Variants in SLC35B4 observed in about 807,000 individuals in gnomAD.
SLC35B4 encodes solute carrier family 35 member B4, also known as nucleotide sugar transporter SLC35B4.
A neutral mutation model predicts 39.5 loss-of-function variants in SLC35B4; 28 were observed. That is an observed-to-expected ratio of 0.71 (90% CI 0.53 to 0.97). SLC35B4 has a LOEUF of 0.97. Ranked by LOEUF, SLC35B4 falls within the 50% of genes least tolerant of loss-of-function variation. The probability of loss-of-function intolerance (pLI) is 0.00; values close to 1 mark genes in which losing one functional copy is unlikely to be tolerated. For synonymous variants in SLC35B4, 145 were observed against 150.4 expected (o/e 0.96, Z 0.26); for missense variants, 334 against 414.3 (o/e 0.81, Z 1.68).
upstream of SLC35B4, among the ~76,000 whole-genome samples, chr7:134,319,035 G>A (rs1240051781): frequency 6.6e-6 from 1 of 152,214 alleles, no homozygotes; most frequent in Non-Finnish European, 1.5e-5. Flanking sequence ...GCAGAAGCCT[G>A]TAAAATCATT....
intron 8 of SLC35B4, 102 bp downstream of exon 8, chr7:134,299,421 T>C (rs1191887462): frequency 2.3e-6 from 2 of 858,490 alleles, no homozygotes; most frequent in East Asian, 2.6e-5. Context: ...GAACACATGA[T>C]TTGAATAGGA....
At position 134,306,721 on chromosome 7, in the gene SLC35B4, T is replaced by C. The variant is rs752529700; in HGVS notation, c.245A>G (p.Tyr82Cys). 8 of 1,614,078 alleles carry C rather than the reference T, an allele frequency of 5.0e-6. No homozygotes were observed. The highest frequency in any genetic ancestry group is 2.2e-5 in the South Asian group (2 of 91,066). Reference sequence around the variant, plus strand: ...CATGGCAATGTTGAGATTCAGGGCATAGTTGTTCACCACGCTCACGGTGAA... The same window carrying C: ...CATGGCAATGTTGAGATTCAGGGCACAGTTGTTCACCACGCTCACGGTGAA... ...MFFTVSVVNN[Y>C]ALNLNIAMPL... is the part of the protein sequence containing the mutation. Residue 82 changes from tyrosine to cysteine, a missense_variant, in exon 3 of 10, where the codon TAT becomes TGT. Tyr to Cys is a radical substitution (Grantham distance 194). Coordinates refer to ENST00000378509, the MANE Select transcript of SLC35B4 (RefSeq NM_032826.5).
rs151003546 is a variant in SLC35B4, at chr7:134,312,093, C to T, written c.78-2614G>A. ...TGAGCCATCCCTGAAAAGCACTTAA[C>T]ACAGCGCCTGCCACAGAGTGAAAAA... On this transcript the variant is annotated intron_variant, in intron 1 of 9. Coordinates refer to ENST00000378509, the MANE Select transcript of SLC35B4 (RefSeq NM_032826.5). Among the ~76,000 whole-genome samples the T allele has an allele frequency of 1.8e-3, 276 of 152,270 alleles. 4 individuals carry two copies. The highest frequency in any genetic ancestry group is 6.1e-3 in the African/African-American group (254 of 41,550).
intron 2 of SLC35B4, among the ~76,000 whole-genome samples, chr7:134,308,115 C>T (rs1324480042): frequency 1.3e-5 from 2 of 152,110 alleles, no homozygotes; most frequent in Non-Finnish European, 2.9e-5. Flanking sequence ...ACACATAGGA[C>T]ATGCATGAGA....
In SLC35B4 at chr7:134,299,617, C is replaced by A; in HGVS notation, c.598-19G>T. The A allele has an allele frequency of 1.2e-6, 2 of 1,600,388 alleles. No individual in the cohort carries two copies. The highest frequency in any genetic ancestry group is 2.2e-5 in the South Asian group (2 of 90,412). On this transcript the variant is annotated intron_variant, in intron 7 of 9. Transcript: ENST00000378509. ...GGGCGTGCTATGGAAAGAAACAGGT[C>A]AGATAAATGTAAGTGCAAAAACATT...
At position 134,310,373 on chromosome 7, in the gene SLC35B4, G is replaced by A. The variant is rs1466551670; in HGVS notation, c.78-894C>T. Among the ~76,000 whole-genome samples, 65 of 152,112 alleles carry A rather than the reference G, an allele frequency of 4.3e-4. 1 individual carries two copies. The highest frequency in any genetic ancestry group is 5.9e-5 in the Non-Finnish European group (4 of 68,022). On this transcript the variant is annotated intron_variant, in intron 1 of 9. Coordinates refer to ENST00000378509, the MANE Select transcript of SLC35B4 (RefSeq NM_032826.5). ...ACTTCCTCCTGACATTCATCTTGAG[G>A]CACTCTGAAAACTAGTCATTTAAAA...
At chr7:134,308,376 G>A (rs544964832) in intron 2 of SLC35B4, among the ~76,000 whole-genome samples, 1 of 152,250 alleles carries the variant, frequency 6.6e-6, no homozygotes, top group South Asian at 2.1e-4. Flanking sequence ...AGTGGGAAGA[G>A]GCAGGAAAGG....
chr7:134,319,554 G>A (rs1032940088), upstream of SLC35B4, among the ~76,000 whole-genome samples: 1 of 151,982 alleles, frequency 6.6e-6, no homozygotes, highest in African/African-American at 2.4e-5. Flanking sequence ...TTCTCTTGGC[G>A]ATTTCACCTC....
chr7:134,305,253 G>T (rs1803679171), intron 3 of SLC35B4, among the ~76,000 whole-genome samples: 1 of 152,076 alleles, frequency 6.6e-6, no homozygotes, highest in African/African-American at 2.4e-5. Flanking sequence ...AACCCGGGAA[G>T]TGGAGGTTGC....
chr7:134,310,546 C>CTT (rs1275292627), intron 1 of SLC35B4, among the ~76,000 whole-genome samples: 10 of 140,842 alleles, frequency 7.1e-5, no homozygotes, highest in Non-Finnish European at 7.8e-5. Context: ...GTGTTTTCAT[C>CTT]TTTTTTTTTT....
Position 134,300,277 on chromosome 7 carries a change from C to T in SLC35B4, c.488-16G>A. 1 of 1,560,350 alleles carries T rather than the reference C, an allele frequency of 6.4e-7. No homozygotes were observed. Among genetic ancestry groups the T allele is most frequent in the Non-Finnish European group, 8.7e-7 (1 of 1,143,240 alleles). On this transcript the variant is annotated splice_polypyrimidine_tract_variant and intron_variant, in intron 6 of 9. Transcript: ENST00000378509. ...GCCCCAATACCTAAAAAACAAACATCAGGTGACAAGATGTCTGCATTTGTT... is the reference window on the plus strand; with the variant it reads ...GCCCCAATACCTAAAAAACAAACATTAGGTGACAAGATGTCTGCATTTGTT...
chr7:134,298,826 G>A (rs573715923), intron 8 of SLC35B4, among the ~76,000 whole-genome samples: 11 of 152,332 alleles, frequency 7.2e-5, no homozygotes, highest in African/African-American at 2.6e-4. Context: ...CATTTGAGGT[G>A]TGTGCAACAT....
intron 1 of SLC35B4, among the ~76,000 whole-genome samples, chr7:134,312,248 A>T (rs916939105): frequency 6.6e-6 from 1 of 152,190 alleles, no homozygotes; most frequent in Non-Finnish European, 1.5e-5. Context: ...TGAGTATTCA[A>T]TGAGAAAATA....
intron 4 of SLC35B4, among the ~76,000 whole-genome samples, chr7:134,303,933 T>C (rs1377055765): frequency 6.6e-6 from 1 of 152,216 alleles, no homozygotes; most frequent in East Asian, 1.9e-4. Context: ...AAGAGAGCCA[T>C]TGGTGATGGT....
intron 1 of SLC35B4, 110 bp downstream of exon 1, chr7:134,316,565 C>A: frequency 8.6e-7 from 1 of 1,165,102 alleles, no homozygotes; most frequent in Non-Finnish European, 1.2e-6. Flanking sequence ...CCCCGGGCTC[C>A]GTGGGCGGCG....
intron 2 of SLC35B4, 55 bp downstream of exon 2, chr7:134,309,311 C>A: frequency 9.8e-7 from 1 of 1,016,472 alleles, no homozygotes; most frequent in South Asian, 1.6e-5. Flanking sequence ...ACAGGTACCA[C>A]CTCTTTACTT....
chr7:134,314,759 C>G (rs13226543), intron 1 of SLC35B4, among the ~76,000 whole-genome samples: 10,660 of 152,186 alleles, frequency 0.07, 535 homozygotes, highest in Non-Finnish European at 0.11. Context: ...TGGTCTTGAA[C>G]CCCTGACCTC....
In SLC35B4 at chr7:134,306,834, T is replaced by C. The variant is rs118087594; in HGVS notation, c.192-60A>G. 8.1e-5 allele frequency: 115 copies of C among 1,413,208 alleles called. No homozygotes were observed. The African/African-American group carries it at 1.4e-3, about 17-fold the overall frequency. The allele number at this position is 1,413,208 out of a possible 1,614,324, so 87.5% of individuals were successfully genotyped here. A position where few individuals can be genotyped will look rare whatever the true frequency, so the allele number is the denominator to read the frequency against. ...TCTAGGATTTCAAGAAAATCAAGTA[T>C]AGGAAATATATATTTTTGGCTAAAA... On this transcript the variant is annotated intron_variant, in intron 2 of 9. Coordinates refer to ENST00000378509, the MANE Select transcript of SLC35B4 (RefSeq NM_032826.5).
chr7:134,307,392 G>T (rs1803734215), intron 2 of SLC35B4, among the ~76,000 whole-genome samples: 1 of 150,528 alleles, frequency 6.6e-6, no homozygotes, highest in Non-Finnish European at 1.5e-5. Context: ...AAATACAAAT[G>T]AATTATTATG....
Sources: gnomAD v4.1 joint callset for allele counts (sites outside exome capture counted in the v4.1 genomes callset) on GRCh38, gnomAD v4.1.1 for gene constraint, MANE v1.5 for transcripts, NCBI Gene and HGNC (gene_info 2026-07-23, HGNC 2026-07-21) for gene names.